ANKRD31: variants seen among roughly 807,000 people sequenced by gnomAD.
ANKRD31 encodes ankyrin repeat domain-containing protein 31.
Under a neutral mutation model 186.0 loss-of-function variants are expected in ANKRD31, and 147 were observed. That is an observed-to-expected ratio of 0.79 (90% CI 0.69 to 0.91). ANKRD31 has a LOEUF of 0.91. Ranked by LOEUF, ANKRD31 falls within the 40% of genes least tolerant of loss-of-function variation. The pLI is 0.00. For missense variants in ANKRD31, 1,986 were observed against 2,148.8 expected (o/e 0.92, Z 1.50); for synonymous variants, 673 against 736.4 (o/e 0.91, Z 1.39).
chr5:75,145,990 G>T lies in ANKRD31; in HGVS notation c.3421C>A (p.Pro1141Thr). 6.8e-7 allele frequency: 1 copy of T among 1,474,608 alleles called. No homozygotes were observed. 91.3% of individuals were successfully genotyped at this position (1,474,608 alleles called of 1,614,324 possible). The change falls in exon 14 of 26, where the codon CCA (proline) becomes ACA (threonine). Residue 1141 changes from proline (P) to threonine (T), a missense_variant. Coordinates refer to ENST00000506364, the MANE Select transcript of ANKRD31 (RefSeq NM_001372053.1). ...QREKKEISHK[P>T]DEELTNNISG... is the part of the protein sequence containing the mutation. ...GATTAAGCAATATTACTAATACCTG[G>T]TTTGTGAGAAATTTCCTTCTTTTCT...
At chr5:75,178,224 A>G (rs1224571962) in intron 10 of ANKRD31, among the ~76,000 whole-genome samples, 1 of 152,222 alleles carries the variant, frequency 6.6e-6, no homozygotes, top group Admixed American at 6.5e-5. Flanking sequence ...GAGCACCCAG[A>G]TTCATAAAGC....
chr5:75,229,864 C>CAAAAA (rs1210080751), intron 2 of ANKRD31, among the ~76,000 whole-genome samples: 9 of 37,758 alleles, frequency 2.4e-4, no homozygotes, highest in African/African-American at 3.4e-4. Flanking sequence ...GACTCTGTCT[C>CAAAAA]AAAAAAAAAA....
In ANKRD31 at chr5:75,105,194, A is replaced by G. The variant is rs976060207; in HGVS notation, c.4365T>C (p.His1455=). ...TGGCCAATTGTTCTCTCAGGGCTCCATGCTTAAATGACTCTATGGATACCC... is the reference window on the plus strand; with the variant it reads ...TGGCCAATTGTTCTCTCAGGGCTCCGTGCTTAAATGACTCTATGGATACCC... ...KYRVSIESFK[H]GALREQLANL... is the part of the protein sequence containing the mutation. The change falls in exon 22 of 26, where the codon CAT becomes CAC. Residue 1455 remains histidine, a synonymous_variant. Coordinates refer to ENST00000506364, the MANE Select transcript of ANKRD31 (RefSeq NM_001372053.1). 6.5e-7 allele frequency: 1 copy of G among 1,528,224 alleles called. No homozygotes were observed. 94.7% of individuals were successfully genotyped at this position (1,528,224 alleles called of 1,614,324 possible).
At chr5:75,091,864 G>A (rs1459246490) in intron 22 of ANKRD31, among the ~76,000 whole-genome samples, 1 of 152,178 alleles carries the variant, frequency 6.6e-6, no homozygotes, top group African/African-American at 2.4e-5. Context: ...TCTGAGTGGT[G>A]AGACAGAGGC....
chr5:75,187,458 TA>T (rs140221728), intron 10 of ANKRD31, among the ~76,000 whole-genome samples: 2,578 of 144,968 alleles, frequency 0.018, 87 homozygotes, highest in African/African-American at 0.06. Context: ...ACTGGCACAT[TA>T]AAAAAAAAAG....
In ANKRD31 at chr5:75,187,110, TTG is replaced by T. The variant is rs57013241; in HGVS notation, c.1564+1381_1564+1382del. Among the ~76,000 whole-genome samples the T allele has an allele frequency of 9.5e-3, 1,106 of 116,066 alleles. 8 individuals carry two copies. Among genetic ancestry groups the T allele is most frequent in the Middle Eastern group, 0.03 (6 of 198 alleles). 76.1% of individuals were successfully genotyped at this position (116,066 alleles called of 152,430 possible). A position where few individuals can be genotyped will look rare whatever the true frequency, so the allele number is the denominator to read the frequency against. On this transcript the variant is annotated intron_variant, in intron 10 of 25. Transcript: ENST00000506364. ...AACAAACATTGCCGGTGATTCTGTT[TTG>T]TGTGTGTGTGTGTGTGTGTGTGTGT...
rs180781896 is a variant in ANKRD31 at position 75,213,358 on chromosome 5, A to G, written c.289-2493T>C. Among the ~76,000 whole-genome samples the G allele has an allele frequency of 7.8e-4, 119 of 152,334 alleles. 1 individual carries two copies. Among genetic ancestry groups the G allele is most frequent in the African/African-American group, 2.7e-3 (113 of 41,580 alleles). On this transcript the variant is annotated intron_variant, in intron 3 of 25. Coordinates refer to ENST00000506364, the MANE Select transcript of ANKRD31 (RefSeq NM_001372053.1). ...TGACTGTACCTACTTAAGGTTCTAC[A>G]CGGAACTCCTGGGCTCAAGCTATCT...
chr5:75,221,128 C>G (rs1271005048), intron 3 of ANKRD31, among the ~76,000 whole-genome samples: 1 of 151,544 alleles, frequency 6.6e-6, no homozygotes, highest in Non-Finnish European at 1.5e-5. Flanking sequence ...ATCATGAGAA[C>G]ACATGGACAG....
chr5:75,181,380 A>G (rs1459013705), intron 10 of ANKRD31, among the ~76,000 whole-genome samples: 7 of 152,166 alleles, frequency 4.6e-5, no homozygotes, highest in African/African-American at 1.7e-4. Flanking sequence ...CCATCCCATT[A>G]CTGGGTATAT....
At chr5:75,145,884 C>T (rs1214309259) in intron 14 of ANKRD31, 103 bp downstream of exon 14, 3 of 1,046,504 alleles carry the variant, frequency 2.9e-6, no homozygotes, top group Non-Finnish European at 3.9e-6. Context: ...TGTCCTCATT[C>T]TTCTCAGTTT....
At chr5:75,091,137 T>G in intron 23 of ANKRD31, 124 bp downstream of exon 23, 1 of 1,085,916 alleles carries the variant, frequency 9.2e-7, no homozygotes, top group South Asian at 1.7e-5. Context: ...ATATACAGAA[T>G]GAACACATGA....
At chr5:75,098,430 A>G (rs1391527094) in intron 22 of ANKRD31, among the ~76,000 whole-genome samples, 6 of 151,958 alleles carry the variant, frequency 3.9e-5, no homozygotes, top group Admixed American at 3.9e-4. Flanking sequence ...TTTTGGTTCC[A>G]TATGAACTTT....
intron 11 of ANKRD31, among the ~76,000 whole-genome samples, chr5:75,158,996 G>T (rs1752395851): frequency 6.6e-6 from 1 of 151,804 alleles, no homozygotes; most frequent in Non-Finnish European, 1.5e-5. Context: ...AAAATATGTT[G>T]ATAATTTATA....
At chr5:75,152,911 T>C (rs1181665154) in intron 12 of ANKRD31, among the ~76,000 whole-genome samples, 2 of 151,948 alleles carry the variant, frequency 1.3e-5, no homozygotes, top group African/African-American at 2.4e-5. Context: ...AATATATCCA[T>C]GTATATTAAG....
chr5:75,212,900 A>G (rs531884626), intron 3 of ANKRD31, among the ~76,000 whole-genome samples: 3 of 152,348 alleles, frequency 2.0e-5, no homozygotes, highest in African/African-American at 2.4e-5. Context: ...TGAACTTGCA[A>G]GCATTTTCAT....
At chr5:75,203,094 G>T (rs1755921370) in intron 5 of ANKRD31, among the ~76,000 whole-genome samples, 1 of 152,176 alleles carries the variant, frequency 6.6e-6, no homozygotes, top group Non-Finnish European at 1.5e-5. Flanking sequence ...CTATAGGCAT[G>T]CACTACCTCA....
chr5:75,115,175 T>C (rs1580353697), intron 19 of ANKRD31, among the ~76,000 whole-genome samples: 2 of 150,504 alleles, frequency 1.3e-5, no homozygotes, highest in South Asian at 4.3e-4. Context: ...CCCTATTTAA[T>C]AAATGGTGCT....
At chr5:75,125,199 T>C (rs1022416395) in intron 17 of ANKRD31, among the ~76,000 whole-genome samples, 1 of 152,198 alleles carries the variant, frequency 6.6e-6, no homozygotes, top group Non-Finnish European at 1.5e-5. Flanking sequence ...AGACAGCAGA[T>C]AATGGCAGGT....
chr5:75,081,423 G>A (rs1286222100), intron 24 of ANKRD31, among the ~76,000 whole-genome samples: 2 of 152,106 alleles, frequency 1.3e-5, no homozygotes, highest in Non-Finnish European at 2.9e-5. Context: ...TATATTACAG[G>A]CAACAGAAAT....
Sources: gnomAD v4.1 joint callset for allele counts (sites outside exome capture counted in the v4.1 genomes callset) on GRCh38, gnomAD v4.1.1 for gene constraint, MANE v1.5 for transcripts, NCBI Gene and HGNC (gene_info 2026-07-23, HGNC 2026-07-21) for gene names.